Variants in PTPDC1 observed in about 807,000 individuals in gnomAD.
PTPDC1 encodes protein tyrosine phosphatase domain-containing protein 1.
A neutral mutation model predicts 75.3 loss-of-function variants in PTPDC1; 53 were observed. The ratio of observed to expected loss-of-function variants is 0.70; its 90% CI spans 0.56 to 0.88. The LOEUF is 0.88. Ranked by LOEUF, PTPDC1 falls within the 40% of genes least tolerant of loss-of-function variation. PTPDC1 has a pLI of 0.00. For synonymous variants in PTPDC1, 349 were observed against 366.2 expected (o/e 0.95, Z 0.54); for missense variants, 925 against 998.6 (o/e 0.93, Z 0.99).
intron 2 of PTPDC1, among the ~76,000 whole-genome samples, chr9:94,074,142 G>A (rs1410040851): frequency 6.6e-6 from 1 of 152,092 alleles, no homozygotes; most frequent in East Asian, 1.9e-4. Context: ...GACATTTTGG[G>A]TCCTTTTCTT....
chr9:94,064,939 CAA>C lies in PTPDC1; in HGVS notation c.82+119_82+120del, dbSNP rs1826256397. 5.6e-6 allele frequency: 4 copies of C among 717,342 alleles called. No individual in the cohort carries two copies. The South Asian group carries it at 7.4e-5, about 13-fold the overall frequency. 44.4% of individuals were successfully genotyped at this position (717,342 alleles called of 1,614,324 possible). Reference sequence around the variant, plus strand: ...TTCTTCATATTGGAATCCCAGGTTGCAAGTATTACTTACTGCCTTACCATCTT... The same window carrying C: ...TTCTTCATATTGGAATCCCAGGTTGCGTATTACTTACTGCCTTACCATCTT... On this transcript the variant is annotated intron_variant, in intron 2 of 9. Coordinates refer to the PTPDC1 transcript ENST00000375360.
At chr9:94,096,911 T>G (rs1462413905) in intron 5 of PTPDC1, among the ~76,000 whole-genome samples, 1 of 152,122 alleles carries the variant, frequency 6.6e-6, no homozygotes, top group African/African-American at 2.4e-5. Context: ...TGGATGGAAA[T>G]TCTCAAGAAC....
intron 2 of PTPDC1, among the ~76,000 whole-genome samples, chr9:94,078,409 C>A (rs1288355542): frequency 6.6e-6 from 1 of 152,150 alleles, no homozygotes; most frequent in Non-Finnish European, 1.5e-5. Context: ...CACAAGGAGT[C>A]ATTTTTCTAT....
chr9:94,105,949 G>A (rs1305127850), intron 8 of PTPDC1, among the ~76,000 whole-genome samples: 1 of 151,894 alleles, frequency 6.6e-6, no homozygotes, highest in Non-Finnish European at 1.5e-5. Context: ...CTCCAGCCTG[G>A]GCGACAGAGC....
rs765184231 is a variant in PTPDC1 at position 94,098,235 on chromosome 9, C to A, written c.1669C>A (p.Pro557Thr). The change falls in exon 6 of 9, where the codon CCA (proline) becomes ACA (threonine). Residue 557 changes from proline (P) to threonine (T), a missense_variant. Pro to Thr is a conservative substitution (Grantham distance 38, BLOSUM62 -1). Transcript: ENST00000620992. ...TTCAGGCTCACACAGCCCTGGGGAG[C>A]CAGTTTCACCCAGCTTTGCAAATGT... ...DVSGSHSPGEPVSPSFANVHK... is the reference protein window; with the variant it reads ...DVSGSHSPGETVSPSFANVHK... The A allele has an allele frequency of 3.7e-6, 6 of 1,614,048 alleles. No individual in the cohort carries two copies.
intron 2 of PTPDC1, among the ~76,000 whole-genome samples, chr9:94,066,102 T>A (rs772942881): frequency 3.0e-4 from 46 of 152,292 alleles, no homozygotes; most frequent in Middle Eastern, 3.4e-3. Flanking sequence ...ATAGCATCTC[T>A]GACCCCTACC....
At position 94,108,033 on chromosome 9, in the gene PTPDC1, T is replaced by C; in HGVS notation, c.*89T>C. The stretch of plus-strand genomic sequence containing the variant: ...TAAGTTGAAGATTGTGGGGCTACTT[T>C]TTCTCATAGCACTTTATTTTGAATG... On this transcript the variant is annotated 3_prime_UTR_variant, in exon 9 of 9. Transcript: ENST00000620992. The C allele has an allele frequency of 3.4e-6, 2 of 592,710 alleles. No homozygotes were observed. Among genetic ancestry groups the C allele is most frequent in the Middle Eastern group, 2.7e-4 (1 of 3,676 alleles). 36.7% of individuals were successfully genotyped at this position (592,710 alleles called of 1,614,324 possible).
At chr9:94,095,175 A>C in intron 4 of PTPDC1, 142 bp from the exon 5 acceptor site, 1 of 572,120 alleles carries the variant, frequency 1.7e-6, no homozygotes, top group Admixed American at 3.5e-5. Context: ...CTGGGAATGT[A>C]AAATCCCTCT....
upstream of PTPDC1, among the ~76,000 whole-genome samples, chr9:94,084,123 A>C (rs997098763): frequency 4.6e-5 from 7 of 152,226 alleles, no homozygotes; most frequent in Non-Finnish European, 8.8e-5. Context: ...GGTTGTGAAC[A>C]GAATAACAGA....
At chr9:94,096,251 C>G (rs1827564461) in intron 5 of PTPDC1, among the ~76,000 whole-genome samples, 1 of 152,198 alleles carries the variant, frequency 6.6e-6, no homozygotes, top group African/African-American at 2.4e-5. Flanking sequence ...TACCTGGAAG[C>G]ATGCGCAGGG....
chr9:94,088,042 T>A, intron 3 of PTPDC1, 103 bp from the exon 4 acceptor site: 1 of 1,486,048 alleles, frequency 6.7e-7, no homozygotes, highest in Non-Finnish European at 9.2e-7. Context: ...AATGAGAAAT[T>A]AAGATTTTTG....
chr9:94,107,250 A>T (rs1301506793), intron 8 of PTPDC1, among the ~76,000 whole-genome samples: 1 of 152,210 alleles, frequency 6.6e-6, no homozygotes, highest in East Asian at 1.9e-4. Flanking sequence ...CACCACACCC[A>T]GCCAGTTGAG....
chr9:94,101,859 T>C (rs1015519581), intron 7 of PTPDC1, 108 bp downstream of exon 7: 5 of 605,336 alleles, frequency 8.3e-6, no homozygotes, highest in African/African-American at 7.6e-5. Flanking sequence ...GAATCCCAAA[T>C]CTAGATCTAA....
upstream of PTPDC1, among the ~76,000 whole-genome samples, chr9:94,083,930 C>A (rs1826974562): frequency 6.6e-6 from 1 of 151,674 alleles, no homozygotes; most frequent in South Asian, 2.1e-4. Context: ...TTTGTTCTAT[C>A]CAAGTATTTC....
At chr9:94,054,352 G>T (rs1484827958) in intron 1 of PTPDC1, among the ~76,000 whole-genome samples, 1 of 152,158 alleles carries the variant, frequency 6.6e-6, no homozygotes, top group East Asian at 1.9e-4. Flanking sequence ...GACAGAATTA[G>T]GTCTGCATAT....
chr9:94,050,731 C>T (rs1825762676), intron 1 of PTPDC1, among the ~76,000 whole-genome samples: 1 of 152,240 alleles, frequency 6.6e-6, no homozygotes, highest in South Asian at 2.1e-4. Context: ...CCACTACTCT[C>T]TTCAAAGCTG....
chr9:94,092,238 T>A (rs1259383626), intron 4 of PTPDC1, among the ~76,000 whole-genome samples: 3 of 148,140 alleles, frequency 2.0e-5, no homozygotes, highest in Non-Finnish European at 4.5e-5. Context: ...TAAATTTCCC[T>A]CTACACACTG....
chr9:94,079,731 G>C (rs145221595), upstream of PTPDC1, among the ~76,000 whole-genome samples: 522 of 152,310 alleles, frequency 3.4e-3, 5 homozygotes, highest in Non-Finnish European at 5.8e-3. Context: ...TTTAAGGCCT[G>C]CTTCTCCTTC....
intron 1 of PTPDC1, among the ~76,000 whole-genome samples, chr9:94,058,030 A>AAC (rs1387901240): frequency 6.6e-6 from 1 of 152,214 alleles, no homozygotes; most frequent in African/African-American, 2.4e-5. Context: ...AGAGAAGAGA[A>AAC]ACAAACACAG....
Sources: allele counts gnomAD v4.1 joint callset (sites outside exome capture counted in the v4.1 genomes callset), GRCh38; gene constraint gnomAD v4.1.1; transcripts MANE v1.5; gene names NCBI Gene and HGNC (gene_info 2026-07-23, HGNC 2026-07-21).